Variants in FAT1 observed in about 807,000 individuals in gnomAD.
The protein encoded by FAT1 is protocadherin Fat 1.
Under a neutral mutation model 329.8 loss-of-function variants are expected in FAT1, and 171 were observed. The ratio of observed to expected loss-of-function variants is 0.52; its 90% confidence interval spans 0.46 to 0.59. FAT1 has a LOEUF of 0.59. Among genes scored for constraint, FAT1 ranks in the 20% least tolerant of loss-of-function variants. FAT1 has a pLI of 0.00. For synonymous variants in FAT1, 2,233 were observed against 2,228.6 expected (o/e 1.00, Z -0.06); for missense variants, 5,672 against 5,774.4 (o/e 0.98, Z 0.57).
At chr4:186,623,917 G>A (rs1237910547) in intron 9 of FAT1, among the ~76,000 whole-genome samples, 1 of 152,210 alleles carries the variant, frequency 6.6e-6, no homozygotes, top group East Asian at 1.9e-4. Flanking sequence ...CTTGGAGCAT[G>A]TCACTGATAA....
chr4:186,653,971 G>T (rs537319787), intron 3 of FAT1, among the ~76,000 whole-genome samples: 1 of 152,286 alleles, frequency 6.6e-6, no homozygotes, highest in South Asian at 2.1e-4. Flanking sequence ...ATAGGAATAA[G>T]ATTAGCCTGA....
At chr4:186,617,651 T>C in intron 10 of FAT1, 57 bp downstream of exon 10, 3 of 1,404,232 alleles carry the variant, frequency 2.1e-6, no homozygotes, top group Admixed American at 2.3e-5. Flanking sequence ...TCTTATACTT[T>C]ATGCTTCTAA....
Position 186,611,531 on chromosome 4 carries a change from A to G in FAT1, c.9708T>C (p.Gly3236=), listed in dbSNP as rs779516264. ...NPPVFEYREY[G]ATVSEDILVG... ...CAAGAATGTCCTCAGACACGGTGGC[A>G]CCATATTCACGGTACTCAAACACAG... Residue 3236 remains glycine, a synonymous_variant, in exon 14 of 27, where the codon GGT becomes GGC. Transcript: ENST00000441802. 2.5e-6 allele frequency: 4 copies of G among 1,613,990 alleles called. No individual in the cohort carries two copies. The South Asian group carries it at 4.4e-5, about 18-fold the overall frequency.
intron 2 of FAT1, among the ~76,000 whole-genome samples, chr4:186,683,246 C>T (rs955813853): frequency 2.0e-5 from 3 of 152,194 alleles, no homozygotes; most frequent in South Asian, 2.1e-4. Flanking sequence ...TCCACAGCAC[C>T]GCTCAGCTGA....
intron 2 of FAT1, among the ~76,000 whole-genome samples, chr4:186,682,319 G>A (rs1743252945): frequency 1.3e-5 from 2 of 152,100 alleles, no homozygotes; most frequent in African/African-American, 4.8e-5. Context: ...CTGAGGTCAG[G>A]AGTTCGAGAA....
At position 186,619,291 on chromosome 4, in the gene FAT1, C is replaced by A. The variant is rs2126504030; in HGVS notation, c.7295G>T (p.Gly2432Val). The A allele has an allele frequency of 6.2e-7, 1 of 1,613,978 alleles. No homozygotes were observed. Among genetic ancestry groups the A allele is most frequent in the Non-Finnish European group, 8.5e-7 (1 of 1,179,886 alleles). ...AATGACAAAATGTTTATGATCATTGCCAGACAGAATGGAATACTGCAACTT... is the reference window on the plus strand; with the variant it reads ...AATGACAAAATGTTTATGATCATTGACAGACAGAATGGAATACTGCAACTT... ...IDKLQYSILS[G>V]NDHKHFVIDS... Residue 2432 changes from glycine to valine, a missense_variant, in exon 10 of 27, where the codon GGC becomes GTC. By Grantham distance (109) the Gly-to-Val change is moderately radical. Around this residue, in one of 2 missense-constraint regions of FAT1, gnomAD observed 3,966 missense variants for 3,915.2 expected, o/e 1.01. Coordinates refer to ENST00000441802, the MANE Select transcript of FAT1 (RefSeq NM_005245.4).
At chr4:186,724,211 G>T (rs1383435929), upstream of FAT1, among the ~76,000 whole-genome samples, 2 of 139,278 alleles carry the variant, frequency 1.4e-5, no homozygotes, top group Non-Finnish European at 3.1e-5. The surrounding 1 kb of genome is among the most constrained non-coding windows in gnomAD (Gnocchi z 5.3). Context: ...AAAAAGGCTG[G>T]GGCCTAATGA....
chr4:186,603,897 A>T lies in FAT1; in HGVS notation c.10629T>A (p.Pro3543=), dbSNP rs2126434993. Residue 3543 remains proline (P), a synonymous_variant, in exon 19 of 27, where the codon CCT becomes CCA. Transcript: ENST00000441802. ...TGAAAATCTCCAGGGGCAAAATCGCAGGCGGATAGATGCTCTCCTCAATTA... is the reference window on the plus strand; with the variant it reads ...TGAAAATCTCCAGGGGCAAAATCGCTGGCGGATAGATGCTCTCCTCAATTA... The part of the protein sequence containing the change: ...IRVIEESIYP[P]AILPLEIFIT... The T allele has an allele frequency of 6.2e-7, 1 of 1,613,946 alleles. No individual in the cohort carries two copies.
intron 2 of FAT1, among the ~76,000 whole-genome samples, chr4:186,693,951 A>G (rs893582969): frequency 7.9e-5 from 12 of 151,834 alleles, no homozygotes; most frequent in African/African-American, 2.9e-4. Flanking sequence ...CCCAACCACC[A>G]TCTCCCCACT....
chr4:186,710,081 CTCTT>C (rs1318420021), intron 1 of FAT1, among the ~76,000 whole-genome samples: 9 of 152,294 alleles, frequency 5.9e-5, no homozygotes, highest in Admixed American at 3.9e-4. Flanking sequence ...ACAAGGTCCT[CTCTT>C]TCATATTTAA....
Position 186,603,823 on chromosome 4 carries a change from T to C in FAT1, c.10703A>G (p.His3568Arg). The change falls in exon 19 of 27, where the codon CAT (histidine) becomes CGT (arginine). Residue 3568 changes from histidine (H) to arginine (R), a missense_variant. His to Arg is a conservative substitution (Grantham distance 29). Around this residue, in one of 2 missense-constraint regions of FAT1, gnomAD observed 1,706 missense variants for 1,859.1 expected, o/e 0.92. Transcript: ENST00000441802. ...EYSGGVIGKI[H>R]ATDQDVYDTL... ...ATCATACACGTCCTGGTCTGTGGCATGGATCTTCCCAATGACGCCACCTGA... is the reference window on the plus strand; with the variant it reads ...ATCATACACGTCCTGGTCTGTGGCACGGATCTTCCCAATGACGCCACCTGA... The C allele has an allele frequency of 6.2e-7, 1 of 1,613,954 alleles. No homozygotes were observed. The highest frequency in any genetic ancestry group is 8.5e-7 in the Non-Finnish European group (1 of 1,179,900).
chr4:186,614,683 G>A (rs993049345), intron 11 of FAT1, among the ~76,000 whole-genome samples: 1 of 152,192 alleles, frequency 6.6e-6, no homozygotes, highest in Admixed American at 6.5e-5. Context: ...GTAGTGCTCC[G>A]TATTTACCTA....
chr4:186,588,524 G>C lies in FAT1; in HGVS notation c.*68C>G, dbSNP rs1322648142. 4 of 1,524,198 alleles carry C rather than the reference G, an allele frequency of 2.6e-6. No homozygotes were observed. Among genetic ancestry groups the C allele is most frequent in the South Asian group, 2.6e-5 (2 of 77,194 alleles). The allele number at this position is 1,524,198 out of a possible 1,614,324, so 94.4% of individuals were successfully genotyped here. A position where few individuals can be genotyped will look rare whatever the true frequency, so the allele number is the denominator to read the frequency against. ...AAAAGCTTGGAAGCACTGCTGCAAAGAACAGCGCGGATTACTCACATCACC... is the reference window on the plus strand; with the variant it reads ...AAAAGCTTGGAAGCACTGCTGCAAACAACAGCGCGGATTACTCACATCACC... On this transcript the variant is annotated 3_prime_UTR_variant, in exon 27 of 27. Transcript: ENST00000441802.
intron 2 of FAT1, among the ~76,000 whole-genome samples, chr4:186,696,145 T>G (rs1287432767): frequency 6.6e-6 from 1 of 152,198 alleles, no homozygotes; most frequent in Non-Finnish European, 1.5e-5. Context: ...CTAATCTTGA[T>G]ACTTTGTAGA....
At chr4:186,662,390 A>T (rs993862459) in intron 3 of FAT1, among the ~76,000 whole-genome samples, 1 of 152,174 alleles carries the variant, frequency 6.6e-6, no homozygotes, top group Non-Finnish European at 1.5e-5. Context: ...GTTTATAAAA[A>T]TTTCGGAGGA....
chr4:186,644,445 C>T (rs1406981766), intron 3 of FAT1, among the ~76,000 whole-genome samples: 1 of 152,168 alleles, frequency 6.6e-6, no homozygotes, highest in African/African-American at 2.4e-5. Context: ...CAGAAAAACA[C>T]TGCATTCTAT....
Position 186,636,251 on chromosome 4 carries a change from A to T in FAT1, c.3973-16T>A. ...CTGCCTTAATCTACAACATTTGGGC[A>T]GAGGGGATTAAAAACAGCAAATCAG... On this transcript the variant is annotated splice_polypyrimidine_tract_variant and intron_variant, in intron 5 of 26. Transcript: ENST00000441802. The T allele has an allele frequency of 6.2e-7, 1 of 1,611,614 alleles. No individual in the cohort carries two copies. Among genetic ancestry groups the T allele is most frequent in the South Asian group, 1.1e-5 (1 of 91,020 alleles).
chr4:186,678,802 T>C (rs1354145131), intron 2 of FAT1, among the ~76,000 whole-genome samples: 1 of 152,086 alleles, frequency 6.6e-6, no homozygotes, highest in Non-Finnish European at 1.5e-5. Flanking sequence ...CTTAAGGATC[T>C]AGAACCAGAA....
chr4:186,688,189 C>G (rs1244699192), intron 2 of FAT1, among the ~76,000 whole-genome samples: 4 of 148,274 alleles, frequency 2.7e-5, no homozygotes, highest in African/African-American at 9.9e-5. Flanking sequence ...AATGGGACTT[C>G]TAAAGCTAAG....
Sources: gnomAD v4.1 joint callset for allele counts (sites outside exome capture counted in the v4.1 genomes callset) on GRCh38, gnomAD v4.1.1 for gene constraint, gnomAD v4.1.1 regional missense constraint, Gnocchi (gnomAD v3.1) non-coding constraint, MANE v1.5 for transcripts, NCBI Gene and HGNC (gene_info 2026-07-23, HGNC 2026-07-21) for gene names.